ARMC8: variants seen among roughly 807,000 people sequenced by gnomAD.
The protein encoded by ARMC8 is armadillo repeat-containing protein 8.
In ARMC8, 20 loss-of-function variants were observed where a neutral mutation model predicts 99.3. The ratio of observed to expected loss-of-function variants is 0.20; its 90% confidence interval spans 0.14 to 0.29. The LOEUF (loss-of-function observed/expected upper bound fraction) is 0.29. ARMC8 is among the 10% of genes least tolerant of loss of function. The pLI, the probability that ARMC8 is intolerant of heterozygous loss-of-function variation, is 1.00. For synonymous variants in ARMC8, 263 were observed against 278.3 expected, an observed-to-expected ratio of 0.95 and a Z score of 0.55; for missense variants, 569 against 809.5, an observed-to-expected ratio of 0.70 and a Z score of 3.60.
chr3:138,237,692 AAGTC>A, intron 9 of ARMC8, 120 bp downstream of exon 9: 1 of 759,202 alleles, frequency 1.3e-6, no homozygotes, highest in South Asian at 1.9e-5. Context: ...TGAAATTTGA[AAGTC>A]AGGAGTCCAT....
rs1462839570 is a variant in ARMC8, at chr3:138,297,034, C to G, written c.*1142C>G. 2.0e-5 allele frequency: 3 copies of G among 152,148 alleles called. No individual in the cohort carries two copies. The highest frequency in any genetic ancestry group is 2.4e-5 in the African/African-American group (1 of 41,448). 9.4% of individuals were successfully genotyped at this position (152,148 alleles called of 1,614,324 possible). A position where few individuals can be genotyped will look rare whatever the true frequency, so the allele number is the denominator to read the frequency against. On this transcript the variant is annotated 3_prime_UTR_variant, in exon 22 of 22. Transcript: ENST00000469044. ...CTACAGACACCCCTGTAGAAAGAAA[C>G]AAAGAACAGGATAGTTTAGAAAGCT...
chr3:138,224,943 G>A (rs1020838756), intron 5 of ARMC8, among the ~76,000 whole-genome samples: 3 of 151,952 alleles, frequency 2.0e-5, no homozygotes, highest in Non-Finnish European at 4.4e-5. Context: ...TTTATTTTAC[G>A]CTAGATGAAT....
Position 138,223,421 on chromosome 3 carries a change from G to A in ARMC8, c.227G>A (p.Ser76Asn). Reference protein sequence around the residue: ...LLYLLQQETSSTELKTECAVV... With the variant: ...LLYLLQQETSNTELKTECAVV... The stretch of plus-strand genomic sequence containing the variant: ...TACTTGCTTCAGCAAGAAACCTCAA[G>A]CACAGAGCTGAAAACTGAATGTGCA... Residue 76 changes from serine (S) to asparagine (N), a missense_variant, in exon 4 of 22, where the codon AGC becomes AAC. Ser to Asn is a conservative substitution (Grantham distance 46, BLOSUM62 1). Around this residue, in one of 2 missense-constraint regions of ARMC8, gnomAD observed 342 missense variants for 391.6 expected, o/e 0.87. Coordinates refer to ENST00000469044, the MANE Select transcript of ARMC8 (RefSeq NM_001363941.2). The A allele has an allele frequency of 6.2e-7, 1 of 1,614,130 alleles. No homozygotes were observed. The highest frequency in any genetic ancestry group is 8.5e-7 in the Non-Finnish European group (1 of 1,180,008).
chr3:138,290,167 T>C (rs573177865), intron 20 of ARMC8, among the ~76,000 whole-genome samples: 1 of 151,292 alleles, frequency 6.6e-6, no homozygotes, highest in African/African-American at 2.4e-5. Context: ...CTGCTTAGAG[T>C]AGTAAGAGCC....
rs140239795 is a variant in ARMC8, at chr3:138,265,093, C to T, written c.1299+881C>T. On this transcript the variant is annotated intron_variant, in intron 14 of 21. Coordinates refer to ENST00000469044, the MANE Select transcript of ARMC8 (RefSeq NM_001363941.2). ...TTTTTATTTTTTTGAGACAAGGTCT[C>T]GCCAAGTTGCCCAGGCTGGTTTTAA... is the stretch of plus-strand genomic sequence containing the variant. Among the ~76,000 whole-genome samples, 550 of 151,942 alleles carry T rather than the reference C, an allele frequency of 3.6e-3. 9 individuals are homozygous for T. Among genetic ancestry groups the T allele is most frequent in the African/African-American group, 0.011 (473 of 41,412 alleles).
intron 8 of ARMC8, 26 bp downstream of exon 8, chr3:138,237,410 T>C: frequency 1.9e-6 from 3 of 1,611,854 alleles, no homozygotes; most frequent in Non-Finnish European, 2.5e-6. Flanking sequence ...CAGTGGCACC[T>C]ACATGATTTA....
At chr3:138,293,125 G>A (rs1006279712) in intron 21 of ARMC8, among the ~76,000 whole-genome samples, 1 of 152,194 alleles carries the variant, frequency 6.6e-6, no homozygotes, top group Non-Finnish European at 1.5e-5. Context: ...CAGGTTGTCT[G>A]CTCCACTGAA....
At chr3:138,198,671 C>T (rs1047081716) in intron 1 of ARMC8, among the ~76,000 whole-genome samples, 4 of 151,962 alleles carry the variant, frequency 2.6e-5, no homozygotes, top group Non-Finnish European at 5.9e-5. Context: ...TGCCACCACA[C>T]CCAGCTAATT....
intron 1 of ARMC8, among the ~76,000 whole-genome samples, chr3:138,207,765 A>G (rs2044457141): frequency 6.6e-6 from 1 of 152,226 alleles, no homozygotes; most frequent in Non-Finnish European, 1.5e-5. Context: ...ACAAATGGGT[A>G]AAGATCATGA....
At chr3:138,276,201 AACAGTCGGCTC>A (rs1226718068) in intron 18 of ARMC8, among the ~76,000 whole-genome samples, 2 of 152,240 alleles carry the variant, frequency 1.3e-5, no homozygotes, top group African/African-American at 4.8e-5. Flanking sequence ...TGGGAGGCTA[AACAGTCGGCTC>A]ACTAGCTAGA....
intron 10 of ARMC8, among the ~76,000 whole-genome samples, chr3:138,240,943 A>G (rs1265896343): frequency 6.6e-6 from 1 of 152,134 alleles, no homozygotes; most frequent in Non-Finnish European, 1.5e-5. Flanking sequence ...CCAGCTACTC[A>G]GAAGGCTGAG....
rs1178111557 is a variant in ARMC8, at chr3:138,273,816, T to TC, written c.1630-628dup. ...ATTACCCCAGTCCATTTTTTATGCT[T>TC]CCCCCTTTTTTTTTTTTTGAGACAG... On this transcript the variant is annotated intron_variant, in intron 17 of 21. Transcript: ENST00000469044. Among the ~76,000 whole-genome samples the TC allele has an allele frequency of 7.1e-4, 107 of 150,262 alleles. 1 individual carries two copies. The highest frequency in any genetic ancestry group is 2.2e-3 in the African/African-American group (90 of 40,868).
chr3:138,272,896 A>C (rs1466423141), intron 16 of ARMC8, 71 bp from the exon 17 acceptor site: 4 of 1,257,924 alleles, frequency 3.2e-6, no homozygotes, highest in Non-Finnish European at 4.2e-6. Flanking sequence ...AAATTACCAG[A>C]GTTACTATTA....
At chr3:138,242,959 GT>G (rs1415246687) in intron 11 of ARMC8, among the ~76,000 whole-genome samples, 1 of 152,148 alleles carries the variant, frequency 6.6e-6, no homozygotes, top group Non-Finnish European at 1.5e-5. Context: ...TCTTCTTTCA[GT>G]AGTGGTGTTT....
rs372678205 is a variant in ARMC8 at position 138,209,783 on chromosome 3, T to C, written c.46-34T>C. ...GCTGTGAATTTGTGATTTGCATGGC[T>C]TCAGATGTCATAATTTTTCCCCCCA... On this transcript the variant is annotated intron_variant, in intron 1 of 21. Transcript: ENST00000469044. 4.4e-6 allele frequency: 7 copies of C among 1,585,608 alleles called. No individual in the cohort carries two copies. In the African/African-American group the frequency reaches 9.4e-5, roughly 21 times the overall value.
At chr3:138,230,446 T>C (rs1446721922) in intron 6 of ARMC8, among the ~76,000 whole-genome samples, 1 of 151,330 alleles carries the variant, frequency 6.6e-6, no homozygotes, top group African/African-American at 2.4e-5. Flanking sequence ...AGCCCAGGAG[T>C]TTGAGACCAG....
Position 138,209,912 on chromosome 3 carries a change from A to G in ARMC8, c.122+19A>G. 1.3e-6 allele frequency: 2 copies of G among 1,590,228 alleles called. No homozygotes were observed. The highest frequency in any genetic ancestry group is 1.7e-6 in the Non-Finnish European group (2 of 1,160,848). On this transcript the variant is annotated intron_variant, in intron 2 of 21. Coordinates refer to ENST00000469044, the MANE Select transcript of ARMC8 (RefSeq NM_001363941.2). The stretch of plus-strand genomic sequence containing the variant: ...GTGTCATGTAAGTAGTATGTATTTA[A>G]GAGTCTATCAAAAAGTTGTTTGTTT...
chr3:138,206,278 A>G (rs1297151966), intron 1 of ARMC8, among the ~76,000 whole-genome samples: 4 of 152,244 alleles, frequency 2.6e-5, no homozygotes, highest in Admixed American at 2.0e-4. Flanking sequence ...TTTAATTTTA[A>G]TTAAAGTTTA....
intron 5 of ARMC8, among the ~76,000 whole-genome samples, chr3:138,228,046 G>A (rs948308030): frequency 1.3e-5 from 2 of 152,134 alleles, no homozygotes; most frequent in African/African-American, 2.4e-5. Flanking sequence ...GTGCAGTGGC[G>A]TAATCTCACT....
Sources: gnomAD v4.1 joint callset for allele counts (sites outside exome capture counted in the v4.1 genomes callset) on GRCh38, gnomAD v4.1.1 for gene constraint, gnomAD v4.1.1 regional missense constraint, MANE v1.5 for transcripts, NCBI Gene and HGNC (gene_info 2026-07-23, HGNC 2026-07-21) for gene names.